SF3B3: variants seen among roughly 807,000 people sequenced by gnomAD.
SF3B3 encodes splicing factor 3b subunit 3.
A neutral mutation model predicts 139.2 loss-of-function variants in SF3B3; 33 were observed. That is an observed-to-expected ratio of 0.24 (90% confidence interval 0.18 to 0.32). SF3B3 has a LOEUF of 0.32. Ranked by LOEUF, SF3B3 falls within the 10% of genes least tolerant of loss-of-function variation. The pLI is 1.00. For synonymous variants in SF3B3, 596 were observed against 563.6 expected (o/e 1.06, Z -0.81); for missense variants, 818 against 1,509.4 (o/e 0.54, Z 7.59).
intron 23 of SF3B3, among the ~76,000 whole-genome samples, 167 bp downstream of exon 23, chr16:70,569,308 T>G (rs187147738): frequency 1.0e-3 from 157 of 152,258 alleles, no homozygotes; most frequent in Non-Finnish European, 1.7e-3. Context: ...CCTTGGAGAG[T>G]AGCGAGTTTC....
In SF3B3 at chr16:70,548,840, G is replaced by A. The variant is rs542720967; in HGVS notation, c.1402+398G>A. Among the ~76,000 whole-genome samples the A allele has an allele frequency of 5.9e-5, 9 of 152,304 alleles. No homozygotes were observed. In the South Asian group the frequency reaches 1.9e-3, roughly 32 times the overall value. ...TTTTGAAACCACAGTGAAATTGAAG[G>A]TGGTGTTCTAGGAATTAAGAGATTT... On this transcript the variant is annotated intron_variant, in intron 11 of 25. Transcript: ENST00000302516.
chr16:70,538,171 G>A, intron 6 of SF3B3, 152 bp from the exon 7 acceptor site: 1 of 774,288 alleles, frequency 1.3e-6, no homozygotes, highest in Non-Finnish European at 2.3e-6. Context: ...GAGCTGTGGG[G>A]TTCCAGTGCT....
intron 13 of SF3B3, among the ~76,000 whole-genome samples, chr16:70,555,477 C>CAA (rs33955800): frequency 3.2e-3 from 232 of 72,282 alleles, no homozygotes; most frequent in African/African-American, 4.2e-3. Flanking sequence ...GACTCCGTCT[C>CAA]AAAAAAAAAA....
intron 20 of SF3B3, 175 bp downstream of exon 20, chr16:70,565,699 A>G (rs1156357662): frequency 3.3e-6 from 2 of 609,904 alleles, no homozygotes; most frequent in East Asian, 2.8e-5. Context: ...GTGCCTGTGC[A>G]TTCCACAGGA....
rs565486962 is a variant in SF3B3 at position 70,549,573 on chromosome 16, A to T, written c.1402+1131A>T. On this transcript the variant is annotated intron_variant, in intron 11 of 25. Coordinates refer to ENST00000302516, the MANE Select transcript of SF3B3 (RefSeq NM_012426.5). ...GTTTGAATTAGAAACACGTTTTAAG[A>T]TAACCTATTGTGTTCTTTCTTTTTT... Among the ~76,000 whole-genome samples the T allele has an allele frequency of 1.1e-3, 161 of 152,330 alleles. 2 individuals carry two copies. The highest frequency in any genetic ancestry group is 3.9e-4 in the East Asian group (2 of 5,190).
chr16:70,532,737 C>CTTAT, intron 5 of SF3B3, 117 bp downstream of exon 5: 2 of 998,620 alleles, frequency 2.0e-6, no homozygotes, highest in Non-Finnish European at 1.5e-6. Flanking sequence ...ACCTGAATAC[C>CTTAT]TTATCTTTTG....
chr16:70,567,127 A>G (rs2050484420), intron 20 of SF3B3, among the ~76,000 whole-genome samples: 1 of 152,192 alleles, frequency 6.6e-6, no homozygotes, highest in African/African-American at 2.4e-5. Flanking sequence ...CTTGGCTACT[A>G]AGGCTTCACT....
intron 12 of SF3B3, 132 bp from the exon 13 acceptor site, chr16:70,554,919 T>A: frequency 1.2e-6 from 1 of 847,794 alleles, no homozygotes; most frequent in Non-Finnish European, 1.8e-6. Flanking sequence ...CTCTTTTGTC[T>A]TTGATTCAAC....
At position 70,564,973 on chromosome 16, in the gene SF3B3, A is replaced by T. The variant is rs1159994509; in HGVS notation, c.2464-92A>T. 9.4e-6 allele frequency: 11 copies of T among 1,167,312 alleles called. No homozygotes were observed. The Admixed American group carries it at 1.9e-4, about 20-fold the overall frequency. The allele number at this position is 1,167,312 out of a possible 1,614,324, so 72.3% of individuals were successfully genotyped here. A position where few individuals can be genotyped will look rare whatever the true frequency, so the allele number is the denominator to read the frequency against. On this transcript the variant is annotated intron_variant, in intron 18 of 25. Transcript: ENST00000302516. ...TGACTTTGCTGCTTTATGTATTGAG[A>T]ACCCCCTGGAGTGTTCTTGCTACCT...
chr16:70,558,409 G>T (rs2050398258), intron 15 of SF3B3, among the ~76,000 whole-genome samples: 1 of 151,836 alleles, frequency 6.6e-6, no homozygotes, highest in Non-Finnish European at 1.5e-5. Context: ...ATGAACCACC[G>T]TGCCTGGCCA....
At position 70,560,496 on chromosome 16, in the gene SF3B3, G is replaced by C; in HGVS notation, c.2038G>C (p.Asp680His). The C allele has an allele frequency of 6.2e-7, 1 of 1,613,874 alleles. No individual in the cohort carries two copies. The highest frequency in any genetic ancestry group is 8.5e-7 in the Non-Finnish European group (1 of 1,179,834). Residue 680 changes from aspartate to histidine, a missense_variant, in exon 16 of 26, where the codon GAC becomes CAC. By Grantham distance (81) the Asp-to-His change is moderately conservative (BLOSUM62 -1). Transcript: ENST00000302516. ...CGGTGTGCTGCTGAGGACTGTCTTG[G>C]ACCCTGTCACTGGGGATTTGTCTGA... is the stretch of plus-strand genomic sequence containing the variant. ...QNGVLLRTVL[D>H]PVTGDLSDTR...
rs777451952 is a variant in SF3B3, at chr16:70,561,633, T to C, written c.2137T>C (p.Leu713=). The C allele has an allele frequency of 1.9e-6, 3 of 1,613,688 alleles. No individual in the cohort carries two copies. The highest frequency in any genetic ancestry group is 3.3e-5 in the Admixed American group (2 of 59,966). Residue 713 remains leucine (L), a synonymous_variant, in exon 17 of 26, where the codon TTG becomes CTG. Coordinates refer to ENST00000302516, the MANE Select transcript of SF3B3 (RefSeq NM_012426.5). ...RVRMQGQEAV[L]AMSSRSWLSY... ...TGGGTTTTTTTTTTCCCCTCAGGTA[T>C]TGGCCATGTCAAGCCGCTCATGGTT...
rs192527337 is a variant in SF3B3 at position 70,551,316 on chromosome 16, A to G, written c.1402+2874A>G. Among the ~76,000 whole-genome samples, 142 of 152,326 alleles carry G rather than the reference A, an allele frequency of 9.3e-4. 1 individual carries two copies. Among genetic ancestry groups the G allele is most frequent in the African/African-American group, 3.0e-3 (125 of 41,590 alleles). On this transcript the variant is annotated intron_variant, in intron 11 of 25. Coordinates refer to ENST00000302516, the MANE Select transcript of SF3B3 (RefSeq NM_012426.5). Reference sequence around the variant, plus strand: ...GAGGTATGAACTATTGTTTTTTAACATGAGACTTGAATTCCTTAGAATGCA... The same window carrying G: ...GAGGTATGAACTATTGTTTTTTAACGTGAGACTTGAATTCCTTAGAATGCA...
At position 70,527,403 on chromosome 16, in the gene SF3B3, A is replaced by T. The variant is rs1375900530; in HGVS notation, c.70+677A>T. Among the ~76,000 whole-genome samples, 3 of 152,240 alleles carry T rather than the reference A, an allele frequency of 2.0e-5. No individual in the cohort carries two copies. In the East Asian group the frequency reaches 5.8e-4, roughly 29 times the overall value. On this transcript the variant is annotated intron_variant, in intron 2 of 25. Transcript: ENST00000302516. ...TTAACATTTTTGAGTCAATCCAAGTAATGCAGGAGGTTCATGATTGTGTAG... is the reference window on the plus strand; with the variant it reads ...TTAACATTTTTGAGTCAATCCAAGTTATGCAGGAGGTTCATGATTGTGTAG...
At position 70,531,019 on chromosome 16, in the gene SF3B3, G is replaced by A. The variant is rs995512413; in HGVS notation, c.570+102G>A. On this transcript the variant is annotated intron_variant, in intron 4 of 25. Coordinates refer to ENST00000302516, the MANE Select transcript of SF3B3 (RefSeq NM_012426.5). The stretch of plus-strand genomic sequence containing the variant: ...GTGGTGGCTCACGCCTGTAATCCCA[G>A]CACTTTGGGAGGCAAGGCTGGCGGA... The A allele has an allele frequency of 5.8e-6, 6 of 1,042,470 alleles. No individual in the cohort carries two copies. In the South Asian group the frequency reaches 6.3e-5, roughly 11 times the overall value. The allele number at this position is 1,042,470 out of a possible 1,614,324, so 64.6% of individuals were successfully genotyped here.
intron 15 of SF3B3, among the ~76,000 whole-genome samples, chr16:70,558,133 T>G (rs2050395115): frequency 6.6e-6 from 1 of 152,224 alleles, no homozygotes. Context: ...AGTCATTCCT[T>G]ATGTGTTCAA....
At chr16:70,542,256 C>T (rs2050226063) in intron 9 of SF3B3, among the ~76,000 whole-genome samples, 1 of 152,202 alleles carries the variant, frequency 6.6e-6, no homozygotes, top group Non-Finnish European at 1.5e-5. Flanking sequence ...TAAGTGGATT[C>T]ATATACTCCA....
chr16:70,556,786 A>G, intron 14 of SF3B3, 100 bp from the exon 15 acceptor site: 3 of 1,364,634 alleles, frequency 2.2e-6, no homozygotes, highest in Non-Finnish European at 2.1e-6. Flanking sequence ...TCTGTGCATA[A>G]GGAAGTACTT....
At chr16:70,528,819 T>C in intron 2 of SF3B3, 54 bp from the exon 3 acceptor site, 1 of 1,352,060 alleles carries the variant, frequency 7.4e-7, no homozygotes, top group East Asian at 2.3e-5. Flanking sequence ...GGTTTCACCA[T>C]GGTGGCCAGG....
Sources: gnomAD v4.1 joint callset for allele counts (sites outside exome capture counted in the v4.1 genomes callset) on GRCh38, gnomAD v4.1.1 for gene constraint, MANE v1.5 for transcripts, NCBI Gene and HGNC (gene_info 2026-07-23, HGNC 2026-07-21) for gene names.